Variants in KCNJ12 observed in about 807,000 individuals in gnomAD.
KCNJ12 encodes the protein ATP-sensitive inward rectifier potassium channel 12.
In KCNJ12, 2 loss-of-function variants were observed where a neutral mutation model predicts 22.3. The observed-to-expected ratio is 0.09, with a 90% CI of 0.04 to 0.28. The LOEUF (loss-of-function observed/expected upper bound fraction) is 0.28. Ranked by LOEUF, KCNJ12 falls within the 10% of genes least tolerant of loss-of-function variation. The pLI is 1.00. For missense variants in KCNJ12, 155 were observed against 633.3 expected, an observed-to-expected ratio of 0.24 and a Z score of 8.11; for synonymous variants, 117 against 261.4, an observed-to-expected ratio of 0.45 and a Z score of 5.33.
At chr17:21,407,366 A>C (rs1906012257) in intron 1 of KCNJ12, among the ~76,000 whole-genome samples, 1 of 151,818 alleles carries the variant, frequency 6.6e-6, no homozygotes, top group Admixed American at 6.6e-5. Flanking sequence ...CATTCCATCC[A>C]TCCATCCATC....
At chr17:21,407,545 C>T (rs1430411894) in intron 1 of KCNJ12, among the ~76,000 whole-genome samples, 3 of 151,442 alleles carry the variant, frequency 2.0e-5, no homozygotes, top group East Asian at 2.0e-4. Flanking sequence ...CCATCCCATT[C>T]GTCTATCCAT....
chr17:21,404,256 G>C (rs1258604226), intron 1 of KCNJ12, among the ~76,000 whole-genome samples: 60 of 152,412 alleles, frequency 3.9e-4, no homozygotes, highest in African/African-American at 1.4e-3. Flanking sequence ...CAAGACTGCA[G>C]GACTCTGGTG....
At chr17:21,394,181 A>G (rs1301971670) in intron 1 of KCNJ12, among the ~76,000 whole-genome samples, 4 of 152,190 alleles carry the variant, frequency 2.6e-5, no homozygotes, top group African/African-American at 9.6e-5. Flanking sequence ...TGATCCCATA[A>G]GATCATCAAG....
intron 1 of KCNJ12, among the ~76,000 whole-genome samples, chr17:21,390,883 A>G (rs1597560733): frequency 6.6e-6 from 1 of 152,210 alleles, no homozygotes; most frequent in African/African-American, 2.4e-5. Context: ...GTGCATTCAC[A>G]CTGTCGTGCA....
At chr17:21,381,576 TG>T (rs1329971171) in intron 1 of KCNJ12, among the ~76,000 whole-genome samples, 1 of 152,108 alleles carries the variant, frequency 6.6e-6, no homozygotes, top group African/African-American at 2.4e-5. Flanking sequence ...CTGCCTGGAA[TG>T]TTCTTTCCCA....
chr17:21,387,033 G>C (rs1211028459), intron 1 of KCNJ12, among the ~76,000 whole-genome samples: 1 of 152,154 alleles, frequency 6.6e-6, no homozygotes. Flanking sequence ...TGCTCTCCCT[G>C]TAGTCCCAGC....
intron 1 of KCNJ12, among the ~76,000 whole-genome samples, chr17:21,385,190 A>G (rs868950215): frequency 6.6e-6 from 1 of 152,158 alleles, no homozygotes; most frequent in Non-Finnish European, 1.5e-5. Context: ...TTACTCCACC[A>G]GGGCCCCTTA....
chr17:21,399,295 C>T (rs903531486), intron 1 of KCNJ12, among the ~76,000 whole-genome samples: 32 of 152,210 alleles, frequency 2.1e-4, no homozygotes, highest in African/African-American at 7.7e-4. Context: ...ATTTCTTCGT[C>T]TTGGGGCAAG....
chr17:21,419,295 C>CGTGTGTGTGT lies in KCNJ12; in HGVS notation c.*2676_*2685dup, dbSNP rs3078445. The CGTGTGTGTGT allele has an allele frequency of 1.3e-5, 2 of 154,330 alleles. No individual in the cohort carries two copies. Among genetic ancestry groups the CGTGTGTGTGT allele is most frequent in the East Asian group, 4.1e-4 (2 of 4,856 alleles). The allele number at this position is 154,330 out of a possible 1,614,324, so 9.6% of individuals were successfully genotyped here. ...TAGTAATACAGATACGTGATCTATA[C>CGTGTGTGTGT]GTGTGTGTGTGTGTGTGTGTGTGTG... On this transcript the variant is annotated 3_prime_UTR_variant, in exon 3 of 3. Coordinates refer to ENST00000583088, the MANE Select transcript of KCNJ12 (RefSeq NM_021012.5).
intron 1 of KCNJ12, among the ~76,000 whole-genome samples, chr17:21,385,022 G>A (rs1054142569): frequency 1.3e-5 from 2 of 152,018 alleles, no homozygotes; most frequent in African/African-American, 2.4e-5. Context: ...TGATCCGCCC[G>A]CCTCAGCCTC....
At chr17:21,401,318 G>C (rs1905611931) in intron 1 of KCNJ12, among the ~76,000 whole-genome samples, 1 of 152,260 alleles carries the variant, frequency 6.6e-6, no homozygotes, top group South Asian at 2.1e-4. Flanking sequence ...TGGCTGTTGT[G>C]TGTGAAATGC....
At chr17:21,382,581 A>G (rs1449726713) in intron 1 of KCNJ12, among the ~76,000 whole-genome samples, 2 of 152,212 alleles carry the variant, frequency 1.3e-5, no homozygotes, top group Non-Finnish European at 2.9e-5. Context: ...TTTAGTGGCC[A>G]GCAGTGATCA....
chr17:21,384,770 G>GTTTTTTTTT (rs200586129), intron 1 of KCNJ12, among the ~76,000 whole-genome samples: 1 of 128,674 alleles, frequency 7.8e-6, no homozygotes, highest in Non-Finnish European at 1.7e-5. Context: ...TTGTTTGTTT[G>GTTTTTTTTT]TTTTTTTTTT....
At chr17:21,380,385 T>G (rs982597443) in intron 1 of KCNJ12, among the ~76,000 whole-genome samples, 13 of 152,092 alleles carry the variant, frequency 8.5e-5, no homozygotes, top group Non-Finnish European at 8.8e-5. Context: ...GCTTAATCAA[T>G]GGGCATTGCA....
At chr17:21,383,829 G>A (rs976149643) in intron 1 of KCNJ12, among the ~76,000 whole-genome samples, 15 of 152,204 alleles carry the variant, frequency 9.9e-5, no homozygotes, top group African/African-American at 3.4e-4. Context: ...TGCCCTGGGG[G>A]GCTGACATCT....
chr17:21,403,092 G>A (rs1235307415), intron 1 of KCNJ12, among the ~76,000 whole-genome samples: 6 of 152,310 alleles, frequency 3.9e-5, no homozygotes, highest in African/African-American at 1.4e-4. Context: ...AGGGACTTGG[G>A]GAAATCATGG....
intron 1 of KCNJ12, among the ~76,000 whole-genome samples, chr17:21,406,876 G>T (rs1905973825): frequency 6.6e-6 from 1 of 152,298 alleles, no homozygotes; most frequent in South Asian, 2.1e-4. Context: ...ATGTCAGGTG[G>T]CTCACCGTGG....
At chr17:21,393,008 T>A (rs1555559486) in intron 1 of KCNJ12, among the ~76,000 whole-genome samples, 1 of 152,148 alleles carries the variant, frequency 6.6e-6, no homozygotes, top group East Asian at 1.9e-4. Context: ...TTCTGCCCCT[T>A]CTTTCCGAGT....
rs1164160189 is a variant in KCNJ12 at position 21,376,956 on chromosome 17, C to T, written c.-179+43C>T. 5 of 152,048 alleles carry T rather than the reference C, an allele frequency of 3.3e-5. No individual in the cohort carries two copies. Among genetic ancestry groups the T allele is most frequent in the Non-Finnish European group, 7.4e-5 (5 of 67,964 alleles). The allele number at this position is 152,048 out of a possible 1,614,324, so 9.4% of individuals were successfully genotyped here. A position where few individuals can be genotyped will look rare whatever the true frequency, so the allele number is the denominator to read the frequency against. ...GGCGCATGGTCCCTCCCGGGCCCGGCCCCAGTTCCCCGCAGGCCGCGCCTC... is the reference window on the plus strand; with the variant it reads ...GGCGCATGGTCCCTCCCGGGCCCGGTCCCAGTTCCCCGCAGGCCGCGCCTC... On this transcript the variant is annotated intron_variant, in intron 1 of 2. Coordinates refer to ENST00000583088, the MANE Select transcript of KCNJ12 (RefSeq NM_021012.5). This position sits in a 1 kb window ranked among gnomAD's most constrained non-coding sequence, Gnocchi z 5.3.
Sources: gnomAD v4.1 joint callset for allele counts (sites outside exome capture counted in the v4.1 genomes callset) on GRCh38, gnomAD v4.1.1 for gene constraint, Gnocchi (gnomAD v3.1) non-coding constraint, MANE v1.5 for transcripts, NCBI Gene and HGNC (gene_info 2026-07-23, HGNC 2026-07-21) for gene names.